Variants in ANXA4 observed in about 807,000 individuals in gnomAD.
ANXA4 encodes the protein 35-beta calcimedin.
In ANXA4, 39 loss-of-function variants were observed where a neutral mutation model predicts 49.8. The observed-to-expected ratio is 0.78, with a 90% CI of 0.61 to 1.02. The LOEUF (loss-of-function observed/expected upper bound fraction) is 1.02. ANXA4 is among the 50% of genes least tolerant of loss of function. The probability of loss-of-function intolerance (pLI) is 0.00; values close to 1 mark genes in which losing one functional copy is unlikely to be tolerated. For synonymous variants in ANXA4, 134 were observed against 152.5 expected, an observed-to-expected ratio of 0.88 and a Z score of 0.89; for missense variants, 360 against 410.1, an observed-to-expected ratio of 0.88 and a Z score of 1.05.
At position 69,753,294 on chromosome 2, in the gene ANXA4, C is replaced by G. The variant is rs77848560; in HGVS notation, c.-47+11119C>G. 3.9e-3 allele frequency among the ~76,000 whole-genome samples: 589 copies of G among 152,174 alleles called. 3 individuals are homozygous for G. The highest frequency in any genetic ancestry group is 0.013 in the African/African-American group (554 of 41,510). On this transcript the variant is annotated intron_variant, in intron 1 of 12. Coordinates refer to ENST00000394295, the MANE Select transcript of ANXA4 (RefSeq NM_001153.5). ...GGAACTGGGGTCTGAAAACCACTTGCATAAGAATCAGGGCCTGGGCTGATT... is the reference window on the plus strand; with the variant it reads ...GGAACTGGGGTCTGAAAACCACTTGGATAAGAATCAGGGCCTGGGCTGATT...
chr2:69,781,067 A>G (rs1363137353), intron 1 of ANXA4: 1 of 153,948 alleles, frequency 6.5e-6, no homozygotes, highest in Non-Finnish European at 1.4e-5. Flanking sequence ...CCGGCCTGTC[A>G]TTACACACAC....
chr2:69,662,557 T>C lies in ANXA4; in HGVS notation n.766+9275T>C, dbSNP rs372998951. On this transcript the variant is annotated intron_variant and non_coding_transcript_variant, in intron 2 of 3. Transcript: ENST00000418066. ...GAGCCATATGAAACTTAAGATGATG[T>C]CTACTGAGCTGCTTGGTATTCTTCC... Among the ~76,000 whole-genome samples the C allele has an allele frequency of 3.2e-3, 482 of 152,100 alleles. 2 individuals are homozygous for C. The highest frequency in any genetic ancestry group is 0.011 in the African/African-American group (460 of 41,404).
chr2:69,741,588 G>A (rs1670397609), upstream of ANXA4, among the ~76,000 whole-genome samples: 1 of 152,270 alleles, frequency 6.6e-6, no homozygotes, highest in Non-Finnish European at 1.5e-5. Context: ...GGAATGAAAT[G>A]TATCCTTCAG....
intron 2 of ANXA4, among the ~76,000 whole-genome samples, chr2:69,672,713 A>G (rs768811170): frequency 6.6e-6 from 1 of 152,154 alleles, no homozygotes; most frequent in South Asian, 2.1e-4. Flanking sequence ...AATGATGACT[A>G]TGCATGGGGA....
At chr2:69,752,358 C>T (rs1031551285) in intron 1 of ANXA4, among the ~76,000 whole-genome samples, 2 of 152,284 alleles carry the variant, frequency 1.3e-5, no homozygotes, top group Admixed American at 1.3e-4. Context: ...TGCATCTGTT[C>T]CAGTGCCTGG....
chr2:69,739,578 T>G (rs549336855), upstream of ANXA4, among the ~76,000 whole-genome samples: 1 of 151,744 alleles, frequency 6.6e-6, no homozygotes, highest in East Asian at 1.9e-4. Context: ...GCTAATTTTT[T>G]TTTTTTTTTT....
intron 2 of ANXA4, among the ~76,000 whole-genome samples, chr2:69,674,852 T>C (rs1460735090): frequency 6.6e-6 from 1 of 151,252 alleles, no homozygotes; most frequent in Non-Finnish European, 1.5e-5. Context: ...ATTCTCCAAC[T>C]CAGTAACACT....
At chr2:69,672,430 C>T (rs1677226168) in intron 2 of ANXA4, among the ~76,000 whole-genome samples, 1 of 152,020 alleles carries the variant, frequency 6.6e-6, no homozygotes, top group South Asian at 2.1e-4. Context: ...TGGGGTTTTG[C>T]CATGTTGGCC....
chr2:69,755,240 T>C (rs1670994145), intron 1 of ANXA4, among the ~76,000 whole-genome samples: 1 of 152,208 alleles, frequency 6.6e-6, no homozygotes, highest in East Asian at 1.9e-4. Context: ...CTGTTTGGAA[T>C]GATAGAAGAG....
chr2:69,714,224 G>A (rs753832978), intron 2 of ANXA4, among the ~76,000 whole-genome samples: 7 of 152,194 alleles, frequency 4.6e-5, no homozygotes, highest in African/African-American at 1.4e-4. Context: ...GGGCCGGGGG[G>A]TGGGGTAAGG....
At chr2:69,654,317 C>T (rs1051921522) in intron 2 of ANXA4, among the ~76,000 whole-genome samples, 3 of 152,160 alleles carry the variant, frequency 2.0e-5, no homozygotes, top group African/African-American at 7.2e-5. Flanking sequence ...ACTTCCAATA[C>T]TATGTTGAAT....
chr2:69,687,365 G>A (rs1207400973), intron 2 of ANXA4, among the ~76,000 whole-genome samples: 4 of 152,024 alleles, frequency 2.6e-5, no homozygotes, highest in Non-Finnish European at 1.5e-5. Context: ...ATAATTAGCT[G>A]GGAATAGTGG....
At chr2:69,741,638 C>T (rs892027473), upstream of ANXA4, among the ~76,000 whole-genome samples, 14 of 152,280 alleles carry the variant, frequency 9.2e-5, no homozygotes, top group African/African-American at 3.1e-4. Context: ...CTCGGCACGA[C>T]CTGCCGTTGG....
chr2:69,817,986 T>G (rs1023180394), intron 9 of ANXA4: 1 of 152,148 alleles, frequency 6.6e-6, no homozygotes, highest in Non-Finnish European at 1.5e-5. Flanking sequence ...AAAATCACAT[T>G]GATGGAAGTG....
chr2:69,668,987 A>C (rs1213299973), intron 2 of ANXA4, among the ~76,000 whole-genome samples: 1 of 150,602 alleles, frequency 6.6e-6, no homozygotes, highest in Non-Finnish European at 1.5e-5. Context: ...CCCAGGCTGC[A>C]GTGCAGTGGT....
intron 2 of ANXA4, among the ~76,000 whole-genome samples, chr2:69,709,071 C>T (rs1310648653): frequency 6.6e-6 from 1 of 152,162 alleles, no homozygotes; most frequent in African/African-American, 2.4e-5. Context: ...AAATCACTGA[C>T]CCTCGCAAAA....
chr2:69,819,323 C>T lies in ANXA4; in HGVS notation c.768C>T (p.Leu256=), dbSNP rs147130304. ...RNKSAYFAEK[L]YKSMKGLGTD... is the part of the protein sequence containing the mutation. ...AATCTGCATATTTTGCTGAAAAGCT[C>T]TATAAATCGATGAAGGTAAATGGCC... The change falls in exon 11 of 13, where the codon CTC becomes CTT. Residue 256 remains leucine (L), a synonymous_variant. Transcript: ENST00000394295. The T allele has an allele frequency of 2.0e-4, 328 of 1,607,692 alleles. No homozygotes were observed. In the African/African-American group the frequency reaches 4.0e-3, roughly 20 times the overall value.
upstream of ANXA4, chr2:69,643,834 G>C (rs1245598054): frequency 8.5e-7 from 1 of 1,182,328 alleles, no homozygotes; most frequent in East Asian, 3.7e-5. Flanking sequence ...GGGGCGGCGC[G>C]GCGAGGGACC....
chr2:69,662,901 A>C (rs539821393), intron 2 of ANXA4, among the ~76,000 whole-genome samples: 95 of 152,104 alleles, frequency 6.2e-4, no homozygotes, highest in African/African-American at 2.2e-3. Context: ...TACTATAAGT[A>C]TGTCCTAAAT....
Sources: allele counts gnomAD v4.1 joint callset (sites outside exome capture counted in the v4.1 genomes callset), GRCh38; gene constraint gnomAD v4.1.1; transcripts MANE v1.5; gene names NCBI Gene and HGNC (gene_info 2026-07-23, HGNC 2026-07-21).